The following IGDCC3 variants were observed in gnomAD, a reference collection of about 807,000 sequenced individuals.
IGDCC3 encodes immunoglobulin superfamily DCC subclass member 3.
In IGDCC3, 47 loss-of-function variants were observed where a neutral mutation model predicts 72.0. The ratio of observed to expected loss-of-function variants is 0.65; its 90% confidence interval spans 0.52 to 0.83. The LOEUF is 0.83. IGDCC3 is among the 40% of genes least tolerant of loss of function. The pLI, the probability that IGDCC3 is intolerant of heterozygous loss-of-function variation, is 0.00. For missense variants in IGDCC3, 1,038 were observed against 1,091.3 expected (o/e 0.95, Z 0.69); for synonymous variants, 477 against 472.8 (o/e 1.01, Z -0.11).
rs766472764 is a variant in IGDCC3, at chr15:65,356,848, C to CTT, written c.409+18247_409+18248dup. On this transcript the variant is annotated intron_variant, in intron 2 of 13. Coordinates refer to ENST00000327987, the MANE Select transcript of IGDCC3 (RefSeq NM_004884.4). ...GATGTGAGATTTGAGAATGGACCTGCTTTTTTTTTTTTTTTTTTTGAGATG... is the reference window on the plus strand; with the variant it reads ...GATGTGAGATTTGAGAATGGACCTGCTTTTTTTTTTTTTTTTTTTTTGAGATG... Among the ~76,000 whole-genome samples, 229 of 70,878 alleles carry CTT rather than the reference C, an allele frequency of 3.2e-3. 22 individuals are homozygous for CTT. Among genetic ancestry groups the CTT allele is most frequent in the Non-Finnish European group, 4.4e-3 (169 of 38,034 alleles). 46.5% of individuals were successfully genotyped at this position (70,878 alleles called of 152,430 possible). A position where few individuals can be genotyped will look rare whatever the true frequency, so the allele number is the denominator to read the frequency against.
At chr15:65,330,249 G>T in intron 11 of IGDCC3, 44 bp downstream of exon 11, 1 of 1,411,820 alleles carries the variant, frequency 7.1e-7, no homozygotes, top group Non-Finnish European at 9.9e-7. Context: ...TTACTTTCCC[G>T]GCTTCCCACC....
At position 65,329,685 on chromosome 15, in the gene IGDCC3, C is replaced by A; in HGVS notation, c.1997+41G>T. 1.2e-6 allele frequency: 2 copies of A among 1,613,314 alleles called. No individual in the cohort carries two copies. The highest frequency in any genetic ancestry group is 1.7e-6 in the Non-Finnish European group (2 of 1,179,528). On this transcript the variant is annotated intron_variant, in intron 12 of 13. Coordinates refer to ENST00000327987, the MANE Select transcript of IGDCC3 (RefSeq NM_004884.4). This position sits in a 1 kb window ranked among gnomAD's most constrained non-coding sequence, Gnocchi z 4.1. ...ACTCACCTTCTCTAGGCCTAGTCCC[C>A]CACACACCAGCCCAGCCCCTCTCCC...
chr15:65,358,241 G>A (rs2091238560), intron 2 of IGDCC3, among the ~76,000 whole-genome samples: 1 of 151,344 alleles, frequency 6.6e-6, no homozygotes, highest in South Asian at 2.1e-4. Context: ...AAGTACCTGG[G>A]ACTACAGGCA....
chr15:65,372,100 A>G (rs919642264), intron 2 of IGDCC3, among the ~76,000 whole-genome samples: 12 of 152,148 alleles, frequency 7.9e-5, no homozygotes, highest in African/African-American at 2.9e-4. Context: ...GGCAGCCAAG[A>G]TTACATTTAA....
intron 4 of IGDCC3, 145 bp from the exon 5 acceptor site, chr15:65,335,010 G>A: frequency 9.7e-7 from 1 of 1,027,072 alleles, no homozygotes; most frequent in Non-Finnish European, 1.4e-6. Context: ...CAGGAGACCA[G>A]GACGTTCCAG....
intron 2 of IGDCC3, among the ~76,000 whole-genome samples, chr15:65,347,182 A>G (rs761817649): frequency 1.3e-4 from 20 of 152,338 alleles, no homozygotes; most frequent in Non-Finnish European, 2.9e-4. Context: ...GCTATTAAGT[A>G]AATTGCTTTC....
intron 2 of IGDCC3, among the ~76,000 whole-genome samples, chr15:65,371,111 C>T (rs1029543817): frequency 6.6e-6 from 1 of 152,230 alleles, no homozygotes; most frequent in Non-Finnish European, 1.5e-5. Context: ...TGAGGGCAAT[C>T]CTGGCTCTTG....
intron 2 of IGDCC3, among the ~76,000 whole-genome samples, chr15:65,370,610 ATATG>A (rs1183426647): frequency 4.4e-5 from 4 of 91,582 alleles, no homozygotes; most frequent in Non-Finnish European, 8.5e-5. Context: ...ATGTGTATAT[ATATG>A]TATGTGTATA....
intron 2 of IGDCC3, among the ~76,000 whole-genome samples, chr15:65,354,613 T>C (rs2091200123): frequency 6.6e-6 from 1 of 152,146 alleles, no homozygotes. Context: ...CACATTTATC[T>C]CTCTACCTCC....
rs114246044 is a variant in IGDCC3, at chr15:65,372,486, G to C, written c.409+2611C>G. ...AGCCACCTTGGTCAGGCTGTCTTTTGAGGACAGCATCTGAACCCCCTGATG... is the reference window on the plus strand; with the variant it reads ...AGCCACCTTGGTCAGGCTGTCTTTTCAGGACAGCATCTGAACCCCCTGATG... On this transcript the variant is annotated intron_variant, in intron 2 of 13. Transcript: ENST00000327987. 2.9e-3 allele frequency among the ~76,000 whole-genome samples: 442 copies of C among 152,296 alleles called. 3 individuals are homozygous for C. The highest frequency in any genetic ancestry group is 0.01 in the African/African-American group (417 of 41,568).
At position 65,329,946 on chromosome 15, in the gene IGDCC3, C is replaced by T. The variant is rs572083404; in HGVS notation, c.1859-82G>A. The T allele has an allele frequency of 7.3e-4, 1,075 of 1,464,526 alleles. 15 individuals are homozygous for T. In the South Asian group the frequency reaches 0.011, roughly 15 times the overall value. The allele number at this position is 1,464,526 out of a possible 1,614,324, so 90.7% of individuals were successfully genotyped here. ...CACCCAGCCTCTGGGGACTCCTCTT[C>T]CTTCAGCTGCTCCCACTCCCAAGTG... On this transcript the variant is annotated intron_variant, in intron 11 of 13. Transcript: ENST00000327987. The surrounding 1 kb of genome is among the most constrained non-coding windows in gnomAD (Gnocchi z 4.1).
chr15:65,334,847 T>C lies in IGDCC3; in HGVS notation c.704A>G (p.Tyr235Cys), dbSNP rs200272420. The C allele has an allele frequency of 6.2e-7, 1 of 1,612,956 alleles. No individual in the cohort carries two copies. The highest frequency in any genetic ancestry group is 2.2e-5 in the East Asian group (1 of 44,834). Reference sequence around the variant, plus strand: ...CCCCACGAGGATGGCTGGCTCCTTGTAGGCCCCAGAGCCCGAGCCTGGGAG... The same window carrying C: ...CCCCACGAGGATGGCTGGCTCCTTGCAGGCCCCAGAGCCCGAGCCTGGGAG... ...LTVSGSGSGA[Y>C]KEPAILVGPE... Residue 235 changes from tyrosine to cysteine, a missense_variant, in exon 5 of 14, where the codon TAC becomes TGC. Tyr to Cys is a radical substitution (Grantham distance 194, BLOSUM62 -2). Coordinates refer to ENST00000327987, the MANE Select transcript of IGDCC3 (RefSeq NM_004884.4).
At chr15:65,357,842 C>T (rs2091235038) in intron 2 of IGDCC3, among the ~76,000 whole-genome samples, 1 of 152,332 alleles carries the variant, frequency 6.6e-6, no homozygotes, top group Non-Finnish European at 1.5e-5. Flanking sequence ...GGCATCACAG[C>T]ACCTGCAGCT....
chr15:65,368,168 A>T (rs907744745), intron 2 of IGDCC3, among the ~76,000 whole-genome samples: 171 of 25,488 alleles, frequency 6.7e-3, no homozygotes, highest in East Asian at 9.3e-3. Context: ...ACTCACACAC[A>T]CACACACACA....
At chr15:65,370,563 T>G (rs1178779818) in intron 2 of IGDCC3, among the ~76,000 whole-genome samples, 1 of 128,936 alleles carries the variant, frequency 7.8e-6, no homozygotes, top group Non-Finnish European at 1.6e-5. Context: ...TGTGTGTATA[T>G]ATATATGTAT....
intron 2 of IGDCC3, among the ~76,000 whole-genome samples, chr15:65,358,886 C>T (rs1211606979): frequency 6.6e-6 from 1 of 152,134 alleles, no homozygotes; most frequent in African/African-American, 2.4e-5. Flanking sequence ...AGTGGAGTGG[C>T]GCGATCTTGG....
intron 5 of IGDCC3, 75 bp downstream of exon 5, chr15:65,334,653 T>G: frequency 8.0e-7 from 1 of 1,242,252 alleles, no homozygotes; most frequent in Non-Finnish European, 1.1e-6. Flanking sequence ...TGGAGCTGGG[T>G]GAGGAGTCTG....
At chr15:65,348,101 G>C (rs2091141425) in intron 2 of IGDCC3, among the ~76,000 whole-genome samples, 1 of 152,164 alleles carries the variant, frequency 6.6e-6, no homozygotes, top group Non-Finnish European at 1.5e-5. Context: ...GTTTACAAAT[G>C]CCATGGCACT....
At chr15:65,369,600 G>A (rs2091310769) in intron 2 of IGDCC3, among the ~76,000 whole-genome samples, 1 of 152,210 alleles carries the variant, frequency 6.6e-6, no homozygotes, top group South Asian at 2.1e-4. Context: ...AGGCAGATGT[G>A]TGTGTTTGAG....
Sources: allele counts gnomAD v4.1 joint callset (sites outside exome capture counted in the v4.1 genomes callset), GRCh38; gene constraint gnomAD v4.1.1; non-coding constraint Gnocchi (gnomAD v3.1); transcripts MANE v1.5; gene names NCBI Gene and HGNC (gene_info 2026-07-23, HGNC 2026-07-21).